Variants in COL22A1 observed in about 807,000 individuals in gnomAD.
COL22A1 encodes collagen type XXII alpha 1 chain.
A neutral mutation model predicts 248.9 loss-of-function variants in COL22A1; 221 were observed. The observed-to-expected ratio is 0.89, with a 90% confidence interval of 0.80 to 0.99. The LOEUF (loss-of-function observed/expected upper bound fraction) is 0.99, where lower values mean the gene tolerates loss of function less well. Ranked by LOEUF, COL22A1 falls within the 50% of genes least tolerant of loss-of-function variation. The pLI, the probability that COL22A1 is intolerant of heterozygous loss-of-function variation, is 0.00. For missense variants in COL22A1, 2,240 were observed against 2,179.0 expected (o/e 1.03, Z -0.56); for synonymous variants, 891 against 793.4 (o/e 1.12, Z -2.07).
intron 1 of COL22A1, among the ~76,000 whole-genome samples, chr8:138,901,358 G>GGTTTTTT: frequency 7.6e-6 from 1 of 131,516 alleles, no homozygotes; most frequent in East Asian, 2.4e-4. Context: ...TTACTGGCAG[G>GGTTTTTT]TTTTTTTTTT....
At chr8:138,880,978 T>C (rs1012251135) in intron 2 of COL22A1, among the ~76,000 whole-genome samples, 4 of 152,162 alleles carry the variant, frequency 2.6e-5, no homozygotes, top group Non-Finnish European at 5.9e-5. Flanking sequence ...TGTGTGCCCG[T>C]GAGGCTGGAG....
At chr8:138,721,999 G>T in intron 26 of COL22A1, 37 bp downstream of exon 26, 1 of 1,525,298 alleles carries the variant, frequency 6.6e-7, no homozygotes, top group Non-Finnish European at 8.9e-7. Context: ...CTGTGTTTTG[G>T]GTTCCCAAAC....
chr8:138,732,337 G>T (rs1830772387), intron 23 of COL22A1, among the ~76,000 whole-genome samples: 1 of 152,202 alleles, frequency 6.6e-6, no homozygotes, highest in African/African-American at 2.4e-5. Flanking sequence ...TTCCCCTGTG[G>T]GCCAGGGAAC....
chr8:138,839,768 G>A (rs1820735378), intron 4 of COL22A1, among the ~76,000 whole-genome samples: 1 of 152,220 alleles, frequency 6.6e-6, no homozygotes, highest in Non-Finnish European at 1.5e-5. Flanking sequence ...CCAAATTTGA[G>A]ACCTGCACAT....
intron 1 of COL22A1, among the ~76,000 whole-genome samples, chr8:138,896,679 A>G (rs1043115178): frequency 5.3e-5 from 8 of 152,178 alleles, no homozygotes; most frequent in Non-Finnish European, 1.0e-4. Flanking sequence ...GAAAGTTTAA[A>G]ATTCCATTCA....
chr8:138,599,159 G>A (rs1477646584), intron 60 of COL22A1, among the ~76,000 whole-genome samples: 2 of 151,950 alleles, frequency 1.3e-5, no homozygotes, highest in Admixed American at 6.6e-5. Flanking sequence ...TGGCTAATAC[G>A]GTGAAACCCT....
At chr8:138,703,814 A>C (rs1828171934) in intron 30 of COL22A1, among the ~76,000 whole-genome samples, 1 of 152,148 alleles carries the variant, frequency 6.6e-6, no homozygotes, top group Non-Finnish European at 1.5e-5. Flanking sequence ...TGTGAGCCAA[A>C]GCAGGGCAGG....
intron 16 of COL22A1, 101 bp from the exon 17 acceptor site, chr8:138,762,567 G>A (rs1833574233): frequency 1.8e-6 from 2 of 1,102,266 alleles, no homozygotes; most frequent in Non-Finnish European, 2.7e-6. Flanking sequence ...GGAGGGTGGG[G>A]AAAAGGTGCC....
intron 28 of COL22A1, 88 bp downstream of exon 28, chr8:138,716,737 C>T: frequency 1.0e-6 from 1 of 983,054 alleles, no homozygotes; most frequent in Middle Eastern, 2.1e-4. Context: ...ATTAATTCCT[C>T]TTGGCATCTA....
chr8:138,674,646 T>C (rs538370226), intron 41 of COL22A1, among the ~76,000 whole-genome samples: 125 of 152,270 alleles, frequency 8.2e-4, no homozygotes, highest in African/African-American at 2.9e-3. Flanking sequence ...GTGAATTGTG[T>C]CCGCCTCCAC....
At chr8:138,625,178 CTGG>C (rs1820134007) in intron 51 of COL22A1, among the ~76,000 whole-genome samples, 1 of 152,190 alleles carries the variant, frequency 6.6e-6, no homozygotes, top group Middle Eastern at 3.4e-3. Flanking sequence ...CTCTCCTAGC[CTGG>C]TGGGGAGCAG....
intron 3 of COL22A1, among the ~76,000 whole-genome samples, chr8:138,856,659 A>G (rs1433100710): frequency 6.6e-6 from 1 of 151,348 alleles, no homozygotes; most frequent in African/African-American, 2.4e-5. Flanking sequence ...ACAGAGACAC[A>G]GCAAGAGAGA....
intron 1 of COL22A1, among the ~76,000 whole-genome samples, chr8:138,888,099 T>C (rs994807392): frequency 7.9e-5 from 12 of 152,214 alleles, no homozygotes; most frequent in Non-Finnish European, 1.8e-4. Context: ...ACAATACACA[T>C]TTCACTATTG....
intron 3 of COL22A1, among the ~76,000 whole-genome samples, chr8:138,845,366 G>A (rs566633445): frequency 2.6e-5 from 4 of 151,896 alleles, no homozygotes; most frequent in Non-Finnish European, 4.4e-5. Flanking sequence ...AAAATGAGTC[G>A]GGCATGGTGG....
At chr8:138,773,090 A>G (rs966979014) in intron 16 of COL22A1, among the ~76,000 whole-genome samples, 3 of 152,176 alleles carry the variant, frequency 2.0e-5, no homozygotes, top group Non-Finnish European at 4.4e-5. Context: ...AACAAAAAAC[A>G]TTCTTTTTGC....
At chr8:138,673,211 A>ATT (rs5895548) in intron 41 of COL22A1, among the ~76,000 whole-genome samples, 11,811 of 138,282 alleles carry the variant, frequency 0.085, 578 homozygotes, top group African/African-American at 0.11. Context: ...CAGCCGATCT[A>ATT]TTTTTTTTTT....
chr8:138,806,115 ATGGTGTAGGTAATGGTGTGTGG>A, intron 10 of COL22A1, among the ~76,000 whole-genome samples: 1 of 54,878 alleles, frequency 1.8e-5, no homozygotes, highest in Non-Finnish European at 3.5e-5. Context: ...TTTGTGTGTG[ATGGTGTAGGTAATGGTGTGTGG>A]TGGTGTGTGT....
At chr8:138,690,372 G>C (rs543481141) in intron 36 of COL22A1, among the ~76,000 whole-genome samples, 2 of 152,266 alleles carry the variant, frequency 1.3e-5, no homozygotes, top group African/African-American at 4.8e-5. Context: ...AACCCTAAAG[G>C]TGAAGCAGCC....
Position 138,700,154 on chromosome 8 carries a change from AAACC to A in COL22A1, c.2560-14_2560-11del. 1 of 1,613,218 alleles carries A rather than the reference AAACC, an allele frequency of 6.2e-7. No homozygotes were observed. The highest frequency in any genetic ancestry group is 1.6e-4 in the Middle Eastern group (1 of 6,062). On this transcript the variant is annotated splice_polypyrimidine_tract_variant and intron_variant, in intron 31 of 64. Transcript: ENST00000303045. ...GTGTGAACAGGGATGTCTGAAAAGG[AAACC>A]ACAGAGATTAGAAAGATGGGCATCA...
Sources: gnomAD v4.1 joint callset for allele counts (sites outside exome capture counted in the v4.1 genomes callset) on GRCh38, gnomAD v4.1.1 for gene constraint, MANE v1.5 for transcripts, NCBI Gene and HGNC (gene_info 2026-07-23, HGNC 2026-07-21) for gene names.